Variants in TNIK observed in about 807,000 individuals in gnomAD.
The protein encoded by TNIK is TRAF2 and NCK interacting kinase.
Under a neutral mutation model 191.3 loss-of-function variants are expected in TNIK, and 49 were observed. That is an observed-to-expected ratio of 0.26 (90% CI 0.20 to 0.32). TNIK has a LOEUF of 0.32. Among genes scored for constraint, TNIK ranks in the 10% least tolerant of loss-of-function variants. The pLI, the probability that TNIK is intolerant of heterozygous loss-of-function variation, is 1.00. For synonymous variants in TNIK, 594 were observed against 600.9 expected (o/e 0.99, Z 0.17); for missense variants, 1,155 against 1,702.3 (o/e 0.68, Z 5.66).
At chr3:171,268,827 T>C (rs1471934446) in intron 2 of TNIK, among the ~76,000 whole-genome samples, 1 of 152,108 alleles carries the variant, frequency 6.6e-6, no homozygotes, top group African/African-American at 2.4e-5. Context: ...AAATAGACAA[T>C]GCCAGTGAAG....
chr3:171,322,935 A>AT (rs1340473049), intron 2 of TNIK, among the ~76,000 whole-genome samples: 3 of 150,632 alleles, frequency 2.0e-5, no homozygotes, highest in Non-Finnish European at 4.4e-5. Flanking sequence ...TGAGTTAAGA[A>AT]TTTTTTTACA....
At chr3:171,458,922 C>T (rs1357198015) in intron 1 of TNIK, among the ~76,000 whole-genome samples, 2 of 152,176 alleles carry the variant, frequency 1.3e-5, no homozygotes, top group African/African-American at 4.8e-5. Flanking sequence ...ACCATCCCCA[C>T]CCCTCACCCC....
At chr3:171,162,426 A>T (rs552287201) in intron 10 of TNIK, among the ~76,000 whole-genome samples, 1 of 152,218 alleles carries the variant, frequency 6.6e-6, no homozygotes, top group Non-Finnish European at 1.5e-5. Context: ...TCCGTCTCAA[A>T]TATATATTTA....
intron 2 of TNIK, among the ~76,000 whole-genome samples, chr3:171,305,072 A>G (rs1753306943): frequency 6.6e-6 from 1 of 151,444 alleles, no homozygotes; most frequent in Admixed American, 6.6e-5. Context: ...GGAAAAAGTA[A>G]AGAAAATGGG....
rs1432665243 is a variant in TNIK, at chr3:171,169,010, T to G, written c.774-1740A>C. 3.3e-5 allele frequency among the ~76,000 whole-genome samples: 5 copies of G among 152,186 alleles called. No homozygotes were observed. In the East Asian group the frequency reaches 9.6e-4, roughly 29 times the overall value. On this transcript the variant is annotated intron_variant, in intron 9 of 32. Transcript: ENST00000436636. ...AAATAAATCTGTGGAGGCATAAATA[T>G]GATCTCATCTAAGAAGAAACCTTGC... is the stretch of plus-strand genomic sequence containing the variant.
chr3:171,304,018 G>A (rs1485939092), intron 2 of TNIK, among the ~76,000 whole-genome samples: 1 of 151,008 alleles, frequency 6.6e-6, no homozygotes, highest in Non-Finnish European at 1.5e-5. Flanking sequence ...GGGGAGGAAG[G>A]GTGACCTGAG....
intron 2 of TNIK, among the ~76,000 whole-genome samples, chr3:171,233,592 G>A (rs1466805955): frequency 6.6e-6 from 1 of 152,144 alleles, no homozygotes; most frequent in Non-Finnish European, 1.5e-5. Context: ...CTCACCCAAG[G>A]TCATGCTCCT....
intron 1 of TNIK, among the ~76,000 whole-genome samples, chr3:171,388,323 T>C (rs1228791058): frequency 6.6e-6 from 1 of 152,192 alleles, no homozygotes; most frequent in Non-Finnish European, 1.5e-5. Context: ...TTGACACACA[T>C]TATTGAATAG....
At chr3:171,218,527 G>GTTTT (rs143053587) in intron 3 of TNIK, among the ~76,000 whole-genome samples, 1 of 138,722 alleles carries the variant, frequency 7.2e-6, no homozygotes, top group Non-Finnish European at 1.6e-5. Context: ...ATTGGAATGA[G>GTTTT]TTTTTTTTTT....
Position 171,125,892 on chromosome 3 carries a change from A to G in TNIK, c.2013+20T>C, listed in dbSNP as rs1377593146. 4 of 1,612,978 alleles carry G rather than the reference A, an allele frequency of 2.5e-6. No homozygotes were observed. Among genetic ancestry groups the G allele is most frequent in the South Asian group, 1.1e-5 (1 of 90,740 alleles). On this transcript the variant is annotated intron_variant, in intron 17 of 32. Transcript: ENST00000436636. Reference sequence around the variant, plus strand: ...ATCAGTGATGCTGGTGATTAAAAAAAACACCCCAGTAAATATTACCTTTGG... The same window carrying G: ...ATCAGTGATGCTGGTGATTAAAAAAGACACCCCAGTAAATATTACCTTTGG...
chr3:171,368,395 A>T (rs1340601244), intron 2 of TNIK, among the ~76,000 whole-genome samples: 3 of 152,224 alleles, frequency 2.0e-5, no homozygotes, highest in African/African-American at 7.2e-5. Flanking sequence ...GCAGTAACAC[A>T]ATCTTCCAAC....
At chr3:171,387,848 G>A (rs1448193735) in intron 1 of TNIK, among the ~76,000 whole-genome samples, 6 of 152,108 alleles carry the variant, frequency 3.9e-5, no homozygotes, top group Admixed American at 3.9e-4. Flanking sequence ...GTATCTTACA[G>A]GTGGGGATAG....
chr3:171,458,577 A>C (rs1239886109), intron 1 of TNIK, among the ~76,000 whole-genome samples: 1 of 152,368 alleles, frequency 6.6e-6, no homozygotes, highest in South Asian at 2.1e-4. Flanking sequence ...GGTTTAATTA[A>C]GGAGACCAAA....
chr3:171,422,801 A>G (rs1314970046), intron 1 of TNIK, among the ~76,000 whole-genome samples: 1 of 152,238 alleles, frequency 6.6e-6, no homozygotes, highest in East Asian at 1.9e-4. Flanking sequence ...GTGAGTTCTC[A>G]TTAGTGCTCT....
rs372089422 is a variant in TNIK at position 171,316,471 on chromosome 3, A to T, written c.123+53149T>A. 6.6e-5 allele frequency among the ~76,000 whole-genome samples: 10 copies of T among 152,234 alleles called. No individual in the cohort carries two copies. The East Asian group carries it at 1.9e-3, about 29-fold the overall frequency. On this transcript the variant is annotated intron_variant, in intron 2 of 32. Transcript: ENST00000436636. Reference sequence around the variant, plus strand: ...GGATTTTATAAATGAATAAGGAGTAAAATTTATTCCCTGCTGACCAAACAG... The same window carrying T: ...GGATTTTATAAATGAATAAGGAGTATAATTTATTCCCTGCTGACCAAACAG...
rs761360121 is a variant in TNIK, at chr3:171,085,124, C to T, written c.2992G>A (p.Ala998Thr). ...CAGGGCCCTTCTTGCTTACCTGCGG[C>T]TGATGATTCCTCATCCTCTTCATCT... The part of the protein sequence containing the change: ...DEDEEDEESS[A>T]AALFTSELLR... Residue 998 changes from alanine (A) to threonine (T), a missense_variant, in exon 25 of 33, where the codon GCC becomes ACC. Transcript: ENST00000436636. 1.9e-6 allele frequency: 3 copies of T among 1,606,826 alleles called. No homozygotes were observed. The highest frequency in any genetic ancestry group is 1.1e-5 in the South Asian group (1 of 89,198).
chr3:171,277,172 T>C (rs961477114), intron 2 of TNIK, among the ~76,000 whole-genome samples: 1 of 152,210 alleles, frequency 6.6e-6, no homozygotes, highest in Admixed American at 6.5e-5. Flanking sequence ...AGCCATGTTA[T>C]GATGCAGCAA....
chr3:171,392,943 C>A (rs993379026), intron 1 of TNIK, among the ~76,000 whole-genome samples: 6 of 152,000 alleles, frequency 3.9e-5, no homozygotes, highest in African/African-American at 7.3e-5. Flanking sequence ...TGAAAGAAAG[C>A]ACTTCCACAA....
chr3:171,149,157 C>A (rs1732067142), intron 12 of TNIK, among the ~76,000 whole-genome samples: 1 of 152,104 alleles, frequency 6.6e-6, no homozygotes, highest in Non-Finnish European at 1.5e-5. Flanking sequence ...ACTAAGAAGA[C>A]TGTGAACACA....
Sources: allele counts gnomAD v4.1 joint callset (sites outside exome capture counted in the v4.1 genomes callset), GRCh38; gene constraint gnomAD v4.1.1; transcripts MANE v1.5; gene names NCBI Gene and HGNC (gene_info 2026-07-23, HGNC 2026-07-21).